Variants in FZD3 observed in about 807,000 individuals in gnomAD.
FZD3 encodes frizzled class receptor 3, also known as frizzled-3.
A neutral mutation model predicts 60.7 loss-of-function variants in FZD3; 30 were observed. The observed-to-expected ratio is 0.49, with a 90% confidence interval of 0.37 to 0.67. The LOEUF (loss-of-function observed/expected upper bound fraction) is 0.67. Ranked by LOEUF, FZD3 falls within the 30% of genes least tolerant of loss-of-function variation. The probability of loss-of-function intolerance (pLI) is 0.00; values close to 1 mark genes in which losing one functional copy is unlikely to be tolerated. For missense variants in FZD3, 605 were observed against 838.7 expected (o/e 0.72, Z 3.44); for synonymous variants, 246 against 275.2 (o/e 0.89, Z 1.05).
At chr8:28,515,059 C>T (rs1056085739) in intron 3 of FZD3, among the ~76,000 whole-genome samples, 5 of 152,098 alleles carry the variant, frequency 3.3e-5, no homozygotes, top group South Asian at 2.1e-4. Context: ...TAAGTTACTT[C>T]GTTTTCTGTA....
chr8:28,533,242 T>C (rs908745180), intron 5 of FZD3, among the ~76,000 whole-genome samples: 3 of 152,086 alleles, frequency 2.0e-5, no homozygotes, highest in African/African-American at 4.8e-5. Context: ...TCTTGTTAGC[T>C]GTCCAGGCAG....
At chr8:28,553,192 G>T (rs112762977) in intron 6 of FZD3, among the ~76,000 whole-genome samples, 124 of 152,242 alleles carry the variant, frequency 8.1e-4, no homozygotes, top group African/African-American at 2.8e-3. Context: ...ATTTTGTAGA[G>T]CAGAGAAGGA....
In FZD3 at chr8:28,494,308, C is replaced by G. The variant is rs896621407; in HGVS notation, c.-426C>G. 4 of 151,516 alleles carry G rather than the reference C, an allele frequency of 2.6e-5. No homozygotes were observed. Among genetic ancestry groups the G allele is most frequent in the African/African-American group, 9.7e-5 (4 of 41,248 alleles). 9.4% of individuals were successfully genotyped at this position (151,516 alleles called of 1,614,324 possible). A position where few individuals can be genotyped will look rare whatever the true frequency, so the allele number is the denominator to read the frequency against. On this transcript the variant is annotated 5_prime_UTR_variant, in exon 1 of 8. Coordinates refer to ENST00000240093, the MANE Select transcript of FZD3 (RefSeq NM_017412.4). The stretch of plus-strand genomic sequence containing the variant: ...GGCCGCCCGCGGCAGGCGGTGCAGC[C>G]CCCCCACCCCTTGGAGCCAGGCGCC...
intron 5 of FZD3, among the ~76,000 whole-genome samples, chr8:28,531,881 GC>G: frequency 6.6e-6 from 1 of 151,908 alleles, no homozygotes; most frequent in Non-Finnish European, 1.5e-5. Context: ...CTTTATTTGT[GC>G]TTTCTTAGTC....
intron 2 of FZD3, among the ~76,000 whole-genome samples, chr8:28,501,650 C>G (rs1232371586): frequency 1.3e-5 from 2 of 152,200 alleles, no homozygotes; most frequent in Non-Finnish European, 2.9e-5. Flanking sequence ...GACCTGCCTT[C>G]CACTCCACCC....
At position 28,571,798 on chromosome 8, in the gene FZD3, C is replaced by T. The variant is rs1444263875; in HGVS notation, c.*8787C>T. ...ACCACCCACCATCCTTTCCTCTAGC[C>T]CCAGAAAGAAAAGTTTGACAACTCA... On this transcript the variant is annotated 3_prime_UTR_variant, in exon 8 of 8. Transcript: ENST00000240093. The T allele has an allele frequency of 6.6e-6, 1 of 152,020 alleles. No homozygotes were observed. The highest frequency in any genetic ancestry group is 1.5e-5 in the Non-Finnish European group (1 of 68,004). The allele number at this position is 152,020 out of a possible 1,614,324, so 9.4% of individuals were successfully genotyped here. A position where few individuals can be genotyped will look rare whatever the true frequency, so the allele number is the denominator to read the frequency against.
chr8:28,556,731 G>T (rs1805515821), intron 7 of FZD3, among the ~76,000 whole-genome samples: 1 of 150,852 alleles, frequency 6.6e-6, no homozygotes. Flanking sequence ...AGAAATAACT[G>T]CATTCCCATA....
At chr8:28,543,872 A>G (rs1042166587) in intron 5 of FZD3, among the ~76,000 whole-genome samples, 2 of 152,150 alleles carry the variant, frequency 1.3e-5, no homozygotes, top group Non-Finnish European at 2.9e-5. Flanking sequence ...CTCATAGGCT[A>G]TTAGAATAAA....
chr8:28,545,534 T>C (rs1296978804), intron 5 of FZD3, among the ~76,000 whole-genome samples: 1 of 152,166 alleles, frequency 6.6e-6, no homozygotes, highest in Non-Finnish European at 1.5e-5. Context: ...TCAGCTCCCG[T>C]CTTTTCCAGC....
In FZD3 at chr8:28,551,593, G is replaced by C. The variant is rs1424792567; in HGVS notation, c.1405-10G>C. 2 of 1,574,196 alleles carry C rather than the reference G, an allele frequency of 1.3e-6. No individual in the cohort carries two copies. Among genetic ancestry groups the C allele is most frequent in the Non-Finnish European group, 1.7e-6 (2 of 1,150,302 alleles). ...ATATATTTAAGATGCTTTTCTTTCT[G>C]TTCTTCCAGGTTACTCAAATGAGTC... On this transcript the variant is annotated splice_polypyrimidine_tract_variant and intron_variant, in intron 5 of 7. Transcript: ENST00000240093.
At chr8:28,494,910 C>T (rs1020891555) in intron 1 of FZD3, among the ~76,000 whole-genome samples, 35 of 152,158 alleles carry the variant, frequency 2.3e-4, no homozygotes, top group Non-Finnish European at 4.0e-4. Flanking sequence ...TTTGCCTGCC[C>T]ACGCCTGAAA....
intron 5 of FZD3, among the ~76,000 whole-genome samples, chr8:28,535,566 C>T (rs559108861): frequency 6.6e-6 from 1 of 152,040 alleles, no homozygotes; most frequent in African/African-American, 2.4e-5. Flanking sequence ...GATGTCACTA[C>T]CTAGATTTTA....
chr8:28,555,157 T>C (rs1038453062), intron 6 of FZD3, among the ~76,000 whole-genome samples: 2 of 152,164 alleles, frequency 1.3e-5, no homozygotes, highest in African/African-American at 4.8e-5. Flanking sequence ...TTTGTTCTAA[T>C]TATGACTGCT....
At chr8:28,548,731 T>G (rs987025607) in intron 5 of FZD3, among the ~76,000 whole-genome samples, 3 of 152,226 alleles carry the variant, frequency 2.0e-5, no homozygotes, top group Non-Finnish European at 4.4e-5. Flanking sequence ...CATGTAAACT[T>G]TAAAATCAAC....
chr8:28,499,853 C>G (rs566361544), intron 1 of FZD3, 80 bp from the exon 2 acceptor site: 1 of 152,052 alleles, frequency 6.6e-6, no homozygotes, highest in South Asian at 2.1e-4. Context: ...TATCCCCTAT[C>G]TGCTTTTATT....
intron 4 of FZD3, among the ~76,000 whole-genome samples, chr8:28,523,624 A>T (rs1804641672): frequency 6.6e-6 from 1 of 151,578 alleles, no homozygotes; most frequent in Non-Finnish European, 1.5e-5. Flanking sequence ...ATTTGTAGAG[A>T]TGGGGTCTTG....
chr8:28,547,119 C>T (rs1805313259), intron 5 of FZD3, among the ~76,000 whole-genome samples: 1 of 152,188 alleles, frequency 6.6e-6, no homozygotes, highest in South Asian at 2.1e-4. Context: ...ATTCATATAT[C>T]CTCTTTCAGT....
chr8:28,513,469 AT>A (rs1804341865), intron 3 of FZD3, among the ~76,000 whole-genome samples: 1 of 152,206 alleles, frequency 6.6e-6, no homozygotes, highest in Admixed American at 6.5e-5. Context: ...ATCACAGAAC[AT>A]TTTTAAAAAT....
intron 5 of FZD3, among the ~76,000 whole-genome samples, chr8:28,530,946 TA>T (rs1804857068): frequency 6.6e-6 from 1 of 152,132 alleles, no homozygotes; most frequent in African/African-American, 2.4e-5. Context: ...TTTACTAATA[TA>T]AAGGAAATGT....
Sources: gnomAD v4.1 joint callset for allele counts (sites outside exome capture counted in the v4.1 genomes callset) on GRCh38, gnomAD v4.1.1 for gene constraint, MANE v1.5 for transcripts, NCBI Gene and HGNC (gene_info 2026-07-23, HGNC 2026-07-21) for gene names.